Variants in SPMIP2 observed in about 807,000 individuals in gnomAD.
SPMIP2 encodes protein SPMIP2.
the SPMIP2 span, among the ~76,000 whole-genome samples, chr4:159,064,018 G>A: frequency 6.6e-6 from 1 of 152,080 alleles, no homozygotes; most frequent in African/African-American, 2.4e-5. Flanking sequence ...TAGCTTTATT[G>A]CTGTTCTCTC....
chr4:159,056,775 C>T, the SPMIP2 span, among the ~76,000 whole-genome samples: 1 of 152,074 alleles, frequency 6.6e-6, no homozygotes, highest in Non-Finnish European at 1.5e-5. Flanking sequence ...AGAAAAGCAA[C>T]AAGTGGGGTG....
the SPMIP2 span, among the ~76,000 whole-genome samples, chr4:158,991,164 A>C: frequency 3.3e-5 from 5 of 152,176 alleles, no homozygotes; most frequent in Admixed American, 3.3e-4. Flanking sequence ...CAGACAATGG[A>C]GCTACTGGCC....
At chr4:158,986,349 A>C in the SPMIP2 span, among the ~76,000 whole-genome samples, 2 of 152,156 alleles carry the variant, frequency 1.3e-5, no homozygotes, top group South Asian at 4.1e-4. Context: ...ACAAAAGAAC[A>C]AAGCTGGAGG....
At chr4:159,005,571 C>T in the SPMIP2 span, among the ~76,000 whole-genome samples, 48 of 152,326 alleles carry the variant, frequency 3.2e-4, 1 homozygote, top group East Asian at 7.1e-3. Context: ...GGAGCAGCCA[C>T]TAGCCACATG....
the SPMIP2 span, among the ~76,000 whole-genome samples, chr4:158,930,191 G>GTCTCTCTCTCTCTC: frequency 0.015 from 2,227 of 144,200 alleles, 59 homozygotes; most frequent in African/African-American, 0.049. Flanking sequence ...GAGGATCTCA[G>GTCTCTCTCTCTCTC]TCTCTCTCTC....
At chr4:158,979,810 T>C in the SPMIP2 span, among the ~76,000 whole-genome samples, 1 of 131,448 alleles carries the variant, frequency 7.6e-6, no homozygotes, top group Non-Finnish European at 1.7e-5. Flanking sequence ...TTTTTTTTTT[T>C]TTTTCATACC....
At chr4:159,007,607 T>C in the SPMIP2 span, 1 of 1,032,076 alleles carries the variant, frequency 9.7e-7, no homozygotes, top group Non-Finnish European at 1.5e-6. Context: ...AGACAACCAT[T>C]TCCAAGTACT....
At chr4:158,970,632 C>A in the SPMIP2 span, among the ~76,000 whole-genome samples, 1 of 151,826 alleles carries the variant, frequency 6.6e-6, no homozygotes. Context: ...ATGAGTAGAC[C>A]CAGTGACAAA....
At chr4:159,072,051 C>T in the SPMIP2 span, among the ~76,000 whole-genome samples, 1 of 152,166 alleles carries the variant, frequency 6.6e-6, no homozygotes, top group Admixed American at 6.5e-5. Flanking sequence ...TGTGGCTCAC[C>T]CCTGTAGTCC....
the SPMIP2 span, among the ~76,000 whole-genome samples, chr4:158,927,150 C>T: frequency 9.2e-5 from 14 of 152,266 alleles, no homozygotes; most frequent in Admixed American, 6.5e-4. Context: ...TAATTGCTGT[C>T]TTCCTGATAG....
At chr4:158,979,643 A>G in the SPMIP2 span, among the ~76,000 whole-genome samples, 1 of 152,108 alleles carries the variant, frequency 6.6e-6, no homozygotes, top group Non-Finnish European at 1.5e-5. Flanking sequence ...AGGAACAGTG[A>G]CCACTGGCCC....
chr4:158,970,139 T>C, the SPMIP2 span, among the ~76,000 whole-genome samples: 1 of 152,204 alleles, frequency 6.6e-6, no homozygotes, highest in Non-Finnish European at 1.5e-5. Context: ...AGTGTATGTG[T>C]ATGTATCGGC....
the SPMIP2 span, among the ~76,000 whole-genome samples, chr4:158,961,866 TA>T: frequency 6.6e-6 from 1 of 152,114 alleles, no homozygotes; most frequent in African/African-American, 2.4e-5. Context: ...TTAAACCTAA[TA>T]AAATTCAGAC....
At chr4:158,931,391 A>C in the SPMIP2 span, among the ~76,000 whole-genome samples, 1 of 152,110 alleles carries the variant, frequency 6.6e-6, no homozygotes, top group African/African-American at 2.4e-5. Context: ...CTGGGACTAG[A>C]GGCACTGTCA....
the SPMIP2 span, among the ~76,000 whole-genome samples, chr4:158,915,540 A>T: frequency 6.6e-6 from 1 of 152,200 alleles, no homozygotes; most frequent in African/African-American, 2.4e-5. Context: ...ACTCTACATC[A>T]CTGGACTGCT....
the SPMIP2 span, among the ~76,000 whole-genome samples, chr4:158,916,957 T>TA: frequency 4.0e-5 from 6 of 151,648 alleles, no homozygotes; most frequent in Admixed American, 6.6e-5. Context: ...GCTTTCTTTT[T>TA]AAAAATGGTC....
At chr4:159,061,110 C>CAT in the SPMIP2 span, among the ~76,000 whole-genome samples, 63 of 143,818 alleles carry the variant, frequency 4.4e-4, no homozygotes, top group South Asian at 3.8e-3. Context: ...TATATATATA[C>CAT]ATATATATAT....
chr4:158,990,059 C>T, the SPMIP2 span, among the ~76,000 whole-genome samples: 30,910 of 151,888 alleles, frequency 0.2, 3,492 homozygotes, highest in Non-Finnish European at 0.26. Flanking sequence ...TATCAAAAAG[C>T]GGGTGAAGGA....
the SPMIP2 span, among the ~76,000 whole-genome samples, chr4:158,990,817 T>C: frequency 6.6e-6 from 1 of 152,160 alleles, no homozygotes; most frequent in Admixed American, 6.6e-5. Context: ...CAAACCACCA[T>C]GTCATGTGTA....
Sources: gnomAD v4.1 joint callset for allele counts (sites outside exome capture counted in the v4.1 genomes callset) on GRCh38, gnomAD v4.1.1 for gene constraint, MANE v1.5 for transcripts, NCBI Gene and HGNC (gene_info 2026-07-23, HGNC 2026-07-21) for gene names.